The following CYYR1 variants were observed in gnomAD, a reference collection of about 807,000 sequenced individuals.
CYYR1 encodes the protein cysteine and tyrosine-rich protein 1.
Under a neutral mutation model 15.2 loss-of-function variants are expected in CYYR1, and 14 were observed. The observed-to-expected ratio is 0.92, with a 90% CI of 0.61 to 1.44. The LOEUF (loss-of-function observed/expected upper bound fraction) is 1.44, where lower values mean the gene tolerates loss of function less well. CYYR1 is among the 40% of genes most tolerant of loss of function. The pLI is 0.00. For synonymous variants in CYYR1, 80 were observed against 77.4 expected (o/e 1.03, Z -0.18); for missense variants, 228 against 209.5 (o/e 1.09, Z -0.54).
At chr21:26,556,029 T>C (rs893684035) in intron 2 of CYYR1, among the ~76,000 whole-genome samples, 2 of 152,172 alleles carry the variant, frequency 1.3e-5, no homozygotes, top group African/African-American at 4.8e-5. Flanking sequence ...TAAATTATTA[T>C]AATCAAATTG....
At chr21:26,476,687 C>T (rs142041873) in intron 3 of CYYR1, among the ~76,000 whole-genome samples, 8 of 151,938 alleles carry the variant, frequency 5.3e-5, no homozygotes, top group Admixed American at 2.6e-4. Flanking sequence ...CAATAATATA[C>T]GTCAAATCTC....
chr21:26,484,161 C>T (rs753258124), intron 2 of CYYR1, among the ~76,000 whole-genome samples: 3 of 152,010 alleles, frequency 2.0e-5, no homozygotes, highest in Non-Finnish European at 2.9e-5. Flanking sequence ...ATTCCTACAG[C>T]GAAGGTGGGA....
intron 2 of CYYR1, among the ~76,000 whole-genome samples, chr21:26,496,225 A>G (rs2065401333): frequency 6.6e-6 from 1 of 152,212 alleles, no homozygotes; most frequent in South Asian, 2.1e-4. Flanking sequence ...TGATGTAACT[A>G]GAGGCAAATA....
chr21:26,480,501 T>C (rs1480370546), intron 2 of CYYR1, 72 bp from the exon 3 acceptor site: 4 of 1,431,182 alleles, frequency 2.8e-6, no homozygotes, highest in Non-Finnish European at 2.8e-6. Context: ...TAGAGCTCCA[T>C]GATTATAGGA....
chr21:26,563,523 G>C (rs767276922), intron 2 of CYYR1, among the ~76,000 whole-genome samples: 4 of 152,136 alleles, frequency 2.6e-5, no homozygotes, highest in Non-Finnish European at 5.9e-5. Flanking sequence ...AGTGAGCTGA[G>C]ATTGTGCCAC....
At chr21:26,477,819 G>A (rs2065123689) in intron 3 of CYYR1, 1 of 981,194 alleles carries the variant, frequency 1.0e-6, no homozygotes, top group East Asian at 1.1e-4. Flanking sequence ...AAAAAATTCA[G>A]AGGTATAAAT....
At chr21:26,569,589 A>G (rs1289426948) in intron 1 of CYYR1, among the ~76,000 whole-genome samples, 1 of 152,200 alleles carries the variant, frequency 6.6e-6, no homozygotes, top group Non-Finnish European at 1.5e-5. Flanking sequence ...TGAGTCTAAA[A>G]TTAAAGAAGT....
rs114687183 is a variant in CYYR1 at position 26,570,670 on chromosome 21, G to A, written c.73+2198C>T. 7.7e-3 allele frequency among the ~76,000 whole-genome samples: 1,167 copies of A among 152,326 alleles called. 15 individuals are homozygous for A. The highest frequency in any genetic ancestry group is 0.027 in the African/African-American group (1,125 of 41,580). On this transcript the variant is annotated intron_variant, in intron 1 of 3. Coordinates refer to ENST00000652641, the MANE Select transcript of CYYR1 (RefSeq NM_001320768.2). ...CTTTGGGGAAAATAATTTAGATTATGAGCAGTGCATCTACTTAGATTTTTG... is the reference window on the plus strand; with the variant it reads ...CTTTGGGGAAAATAATTTAGATTATAAGCAGTGCATCTACTTAGATTTTTG...
rs1175461667 is a variant in CYYR1 at position 26,543,838 on chromosome 21, G to A, written c.176+22428C>T. Among the ~76,000 whole-genome samples the A allele has an allele frequency of 6.6e-5, 10 of 152,018 alleles. 1 individual carries two copies. The highest frequency in any genetic ancestry group is 5.2e-4 in the Admixed American group (8 of 15,254). ...GGAGAATTGCTTGAACCCGGGAGGC[G>A]GAGTTTGCAGTGAACCGAAATCACG... On this transcript the variant is annotated intron_variant, in intron 2 of 3. Coordinates refer to ENST00000652641, the MANE Select transcript of CYYR1 (RefSeq NM_001320768.2).
intron 2 of CYYR1, among the ~76,000 whole-genome samples, chr21:26,562,855 C>T (rs1980336426): frequency 6.9e-6 from 1 of 145,950 alleles, no homozygotes; most frequent in South Asian, 2.2e-4. Flanking sequence ...TCCAGTCCTC[C>T]AATAATACTT....
intron 2 of CYYR1, among the ~76,000 whole-genome samples, chr21:26,495,522 A>G (rs929620940): frequency 6.6e-6 from 1 of 151,752 alleles, no homozygotes; most frequent in South Asian, 2.1e-4. Context: ...CTAATTGGGC[A>G]TTATGTGATC....
intron 2 of CYYR1, among the ~76,000 whole-genome samples, chr21:26,529,238 C>G (rs1380570851): frequency 6.6e-6 from 1 of 152,106 alleles, no homozygotes; most frequent in Non-Finnish European, 1.5e-5. Context: ...AGCTCAAAGT[C>G]CATTCTATGT....
intron 2 of CYYR1, among the ~76,000 whole-genome samples, chr21:26,537,102 G>A (rs1978310339): frequency 6.6e-6 from 1 of 152,144 alleles, no homozygotes; most frequent in Non-Finnish European, 1.5e-5. Context: ...GAGGAGAGTT[G>A]TGATTGATGA....
In CYYR1 at chr21:26,514,850, G is replaced by A. The variant is rs563303679; in HGVS notation, c.177-34421C>T. 3.3e-5 allele frequency among the ~76,000 whole-genome samples: 5 copies of A among 152,264 alleles called. No individual in the cohort carries two copies. In the East Asian group the frequency reaches 7.7e-4, roughly 23 times the overall value. Reference sequence around the variant, plus strand: ...TTGAGGCTTAGACTAAGCAATTGACGGACATGAGATCTGAAGGCAGGCCTA... The same window carrying A: ...TTGAGGCTTAGACTAAGCAATTGACAGACATGAGATCTGAAGGCAGGCCTA... On this transcript the variant is annotated intron_variant, in intron 2 of 3. Coordinates refer to ENST00000652641, the MANE Select transcript of CYYR1 (RefSeq NM_001320768.2).
chr21:26,478,347 G>T (rs567345301), intron 3 of CYYR1, among the ~76,000 whole-genome samples: 2 of 152,228 alleles, frequency 1.3e-5, no homozygotes, highest in East Asian at 1.9e-4. Flanking sequence ...AGACTTAAAT[G>T]AAGTGAGGGA....
chr21:26,498,275 T>C (rs2065434148), intron 2 of CYYR1, among the ~76,000 whole-genome samples: 1 of 152,236 alleles, frequency 6.6e-6, no homozygotes, highest in African/African-American at 2.4e-5. Flanking sequence ...ATAGCATTCT[T>C]GCTAGCTGAT....
intron 2 of CYYR1, among the ~76,000 whole-genome samples, chr21:26,504,184 C>T (rs1032503011): frequency 7.9e-5 from 12 of 151,970 alleles, no homozygotes; most frequent in Non-Finnish European, 1.6e-4. Context: ...TAACAGACAC[C>T]AAGTACAAAT....
intron 2 of CYYR1, among the ~76,000 whole-genome samples, chr21:26,480,771 C>T (rs1231963582): frequency 6.6e-6 from 1 of 152,102 alleles, no homozygotes; most frequent in Admixed American, 6.6e-5. Flanking sequence ...AACCATTCTG[C>T]TGTGTATCTA....
chr21:26,474,555 G>T (rs1247403239), intron 3 of CYYR1, among the ~76,000 whole-genome samples: 1 of 151,618 alleles, frequency 6.6e-6, no homozygotes, highest in Non-Finnish European at 1.5e-5. Flanking sequence ...CAATATCTGT[G>T]GTGTGTCCTA....
Sources: allele counts gnomAD v4.1 joint callset (sites outside exome capture counted in the v4.1 genomes callset), GRCh38; gene constraint gnomAD v4.1.1; transcripts MANE v1.5; gene names NCBI Gene and HGNC (gene_info 2026-07-23, HGNC 2026-07-21).